Variants in STPG2 observed in about 807,000 individuals in gnomAD.
STPG2 encodes the protein sperm-tail PG-rich repeat-containing protein 2.
STPG2 carries 56 observed loss-of-function variants against 54.2 expected under a neutral mutation model. The observed-to-expected ratio is 1.03, with a 90% CI of 0.83 to 1.29. The LOEUF is 1.29. Among genes scored for constraint, STPG2 ranks in the 50% most tolerant of loss-of-function variants. STPG2 has a pLI of 0.00. For synonymous variants in STPG2, 200 were observed against 181.8 expected, an observed-to-expected ratio of 1.10 and a Z score of -0.81; for missense variants, 596 against 544.9, an observed-to-expected ratio of 1.09 and a Z score of -0.93.
At chr4:98,142,951 C>T in intron 1 of STPG2, 91 bp downstream of exon 1, 2 of 1,078,188 alleles carry the variant, frequency 1.9e-6, no homozygotes, top group Non-Finnish European at 2.8e-6. Context: ...GGTACTATTC[C>T]GCTCTATGTT....
intron 9 of STPG2, among the ~76,000 whole-genome samples, chr4:97,730,328 A>C (rs9991112): frequency 0.39 from 58,967 of 152,090 alleles, 12,666 homozygotes; most frequent in Admixed American, 0.52. Context: ...TGCAAAGGAC[A>C]TGATTTCATT....
At chr4:97,537,882 T>C (rs1731576971) in intron 4 of STPG2, among the ~76,000 whole-genome samples, 1 of 152,170 alleles carries the variant, frequency 6.6e-6, no homozygotes, top group African/African-American at 2.4e-5. Flanking sequence ...CATTTGCTGT[T>C]CAACAATATT....
chr4:98,132,124 AAT>A (rs1278537721), intron 2 of STPG2, among the ~76,000 whole-genome samples: 1 of 151,946 alleles, frequency 6.6e-6, no homozygotes, highest in East Asian at 1.9e-4. Flanking sequence ...CCAGGAAGGA[AAT>A]ATATTATTAA....
intron 8 of STPG2, among the ~76,000 whole-genome samples, chr4:97,927,347 G>A (rs191716965): frequency 1.8e-4 from 27 of 151,934 alleles, no homozygotes; most frequent in African/African-American, 4.1e-4. Flanking sequence ...GTTATGAGTC[G>A]TCACTAGCCA....
chr4:97,764,705 C>T (rs1578544786), intron 9 of STPG2, among the ~76,000 whole-genome samples: 1 of 151,954 alleles, frequency 6.6e-6, no homozygotes, highest in East Asian at 1.9e-4. Flanking sequence ...GATTTTTTTA[C>T]CAAAATAGTA....
In STPG2 at chr4:97,515,804, GTA is replaced by G. The variant is rs554116898; in HGVS notation, c.462+196893_462+196894del. ...CTTTTATACACATATACTTATGTGTGTATGTGTGTGTGTATATATATAGAGAG... is the reference window on the plus strand; with the variant it reads ...CTTTTATACACATATACTTATGTGTGTGTGTGTGTGTATATATATAGAGAG... On this transcript the variant is annotated intron_variant, in intron 4 of 4. Transcript: ENST00000522676. Among the ~76,000 whole-genome samples, 612 of 151,936 alleles carry G rather than the reference GTA, an allele frequency of 4.0e-3. 2 individuals carry two copies. Among genetic ancestry groups the G allele is most frequent in the Non-Finnish European group, 6.6e-3 (447 of 67,938 alleles).
chr4:97,712,863 A>C, intron 9 of STPG2, 49 bp from the exon 10 acceptor site: 1 of 1,363,178 alleles, frequency 7.3e-7, no homozygotes, highest in East Asian at 2.5e-5. Flanking sequence ...TTTTAAAATT[A>C]TTGATTTTGG....
intron 9 of STPG2, among the ~76,000 whole-genome samples, chr4:97,729,619 C>G (rs1724736070): frequency 1.3e-5 from 2 of 152,034 alleles, no homozygotes; most frequent in Admixed American, 6.6e-5. Flanking sequence ...TGAAACTGTA[C>G]AAGGTGAGTA....
At chr4:98,082,669 G>C (rs887362526) in intron 5 of STPG2, among the ~76,000 whole-genome samples, 10 of 151,404 alleles carry the variant, frequency 6.6e-5, no homozygotes, top group Admixed American at 2.0e-4. Context: ...GGCCTGGATG[G>C]TCTCCATCTC....
chr4:97,816,924 A>AT (rs1304028023), intron 9 of STPG2, among the ~76,000 whole-genome samples: 8 of 148,418 alleles, frequency 5.4e-5, no homozygotes, highest in Admixed American at 2.7e-4. Flanking sequence ...ACATAAATAT[A>AT]AATATACATT....
chr4:98,132,948 T>TG (rs1419880207), intron 2 of STPG2, among the ~76,000 whole-genome samples: 1 of 101,582 alleles, frequency 9.8e-6, no homozygotes, highest in African/African-American at 3.5e-5. Context: ...TGAAATGAAC[T>TG]AAAAAAAAAA....
chr4:98,036,147 C>CA (rs1309645902), intron 5 of STPG2, among the ~76,000 whole-genome samples: 1 of 151,082 alleles, frequency 6.6e-6, no homozygotes, highest in African/African-American at 2.4e-5. Context: ...GAAAAAAAGT[C>CA]AAAAAAATAA....
At chr4:97,729,368 G>C (rs1288331678) in intron 9 of STPG2, among the ~76,000 whole-genome samples, 1 of 152,062 alleles carries the variant, frequency 6.6e-6, no homozygotes, top group Non-Finnish European at 1.5e-5. Flanking sequence ...AAAAGCAATA[G>C]CAAAAACCAC....
chr4:97,693,136 TAAA>T (rs35469387), intron 10 of STPG2, among the ~76,000 whole-genome samples: 95 of 133,124 alleles, frequency 7.1e-4, no homozygotes, highest in African/African-American at 1.7e-3. Flanking sequence ...ATAACAATGA[TAAA>T]AAAAAAAAAA....
chr4:97,448,805 G>A (rs376886672), intron 4 of STPG2, among the ~76,000 whole-genome samples: 4 of 151,972 alleles, frequency 2.6e-5, no homozygotes, highest in South Asian at 4.1e-4. Flanking sequence ...GAGTAGGAGT[G>A]ATTTCTCTAT....
chr4:97,470,792 G>T (rs951269059), intron 4 of STPG2, among the ~76,000 whole-genome samples: 2 of 152,092 alleles, frequency 1.3e-5, no homozygotes, highest in African/African-American at 2.4e-5. Flanking sequence ...TGAGGTGAAT[G>T]ACTGATATAG....
At chr4:97,448,303 T>A (rs1729278558) in intron 4 of STPG2, among the ~76,000 whole-genome samples, 1 of 152,248 alleles carries the variant, frequency 6.6e-6, no homozygotes, top group African/African-American at 2.4e-5. Flanking sequence ...TGGGGGACTG[T>A]TGGGAAGGCA....
At chr4:97,660,004 C>CTTTT (rs1274412068) in intron 10 of STPG2, among the ~76,000 whole-genome samples, 3 of 140,964 alleles carry the variant, frequency 2.1e-5, no homozygotes, top group Non-Finnish European at 1.6e-5. Context: ...ATCTTTCTTT[C>CTTTT]TTTTTTTTTT....
rs559728632 is a variant in STPG2, at chr4:97,935,815, G to C, written c.1044+8082C>G. On this transcript the variant is annotated intron_variant, in intron 8 of 10. Coordinates refer to ENST00000295268, the MANE Select transcript of STPG2 (RefSeq NM_174952.3). ...ACTTCCAATTATGTGATCGATTTTA[G>C]AGTAAGTTCTGTGTGGCACTGAGAA... Among the ~76,000 whole-genome samples, 5 of 152,176 alleles carry C rather than the reference G, an allele frequency of 3.3e-5. No individual in the cohort carries two copies. In the South Asian group the frequency reaches 1.0e-3, roughly 32 times the overall value.
Sources: allele counts gnomAD v4.1 joint callset (sites outside exome capture counted in the v4.1 genomes callset), GRCh38; gene constraint gnomAD v4.1.1; transcripts MANE v1.5; gene names NCBI Gene and HGNC (gene_info 2026-07-23, HGNC 2026-07-21).